The following TNNI3K variants were observed in gnomAD, a reference collection of about 807,000 sequenced individuals.
TNNI3K encodes TNNI3 interacting kinase, also known as serine/threonine-protein kinase TNNI3K.
TNNI3K carries 140 observed loss-of-function variants against 114.5 expected under a neutral mutation model. The ratio of observed to expected loss-of-function variants is 1.22; its 90% CI spans 1.07 to 1.41. The LOEUF (loss-of-function observed/expected upper bound fraction) is 1.41, where lower values mean the gene tolerates loss of function less well. Ranked by LOEUF, TNNI3K falls within the 40% of genes most tolerant of loss-of-function variation. The pLI is 0.00. For missense variants in TNNI3K, 1,125 were observed against 1,007.6 expected (o/e 1.12, Z -1.58); for synonymous variants, 347 against 347.5 (o/e 1.00, Z 0.02).
chr1:74,534,455 C>T (rs1250431480), intron 23 of TNNI3K, among the ~76,000 whole-genome samples: 3 of 152,130 alleles, frequency 2.0e-5, no homozygotes, highest in Non-Finnish European at 2.9e-5. Flanking sequence ...TGATTCATTG[C>T]TCCAATACCA....
chr1:74,509,732 G>C (rs560955060), intron 23 of TNNI3K, among the ~76,000 whole-genome samples: 35 of 121,898 alleles, frequency 2.9e-4, no homozygotes, highest in African/African-American at 1.0e-3. Flanking sequence ...TTCTGGTTTT[G>C]AGTGATCTGA....
intron 5 of TNNI3K, among the ~76,000 whole-genome samples, chr1:74,328,260 G>A (rs796072523): frequency 7.2e-5 from 11 of 152,196 alleles, no homozygotes; most frequent in African/African-American, 2.6e-4. Flanking sequence ...TTCAGTCTGT[G>A]ACTTCACAAG....
chr1:74,516,260 T>G (rs1435613775), intron 23 of TNNI3K, among the ~76,000 whole-genome samples: 1 of 152,228 alleles, frequency 6.6e-6, no homozygotes, highest in African/African-American at 2.4e-5. Flanking sequence ...TGAATGTTGC[T>G]ATCCATTTGT....
At chr1:74,373,825 T>C (rs1229567490) in intron 17 of TNNI3K, 1 of 151,842 alleles carries the variant, frequency 6.6e-6, no homozygotes, top group African/African-American at 2.4e-5. Context: ...ACTTTTCCCA[T>C]GGCAAGCAAA....
rs141057935 is a variant in TNNI3K, at chr1:74,411,892, G to A, written c.1773-24188G>A. ...TAGCTATGTAGACATGGGAGAAGGG[G>A]CATTCCAGGCTGAGAGAATTGGGTA... On this transcript the variant is annotated intron_variant, in intron 17 of 24. Transcript: ENST00000326637. Among the ~76,000 whole-genome samples, 5 of 152,146 alleles carry A rather than the reference G, an allele frequency of 3.3e-5. No homozygotes were observed. The East Asian group carries it at 9.7e-4, about 29-fold the overall frequency.
intron 17 of TNNI3K, chr1:74,370,651 C>T: frequency 3.8e-6 from 1 of 264,976 alleles, no homozygotes; most frequent in Non-Finnish European, 7.1e-6. Flanking sequence ...GATGCACCAG[C>T]TAACTAGTTC....
chr1:74,249,232 C>T (rs946045059), intron 2 of TNNI3K, among the ~76,000 whole-genome samples: 1 of 151,702 alleles, frequency 6.6e-6, no homozygotes, highest in Non-Finnish European at 1.5e-5. Context: ...CTATTGGAAT[C>T]ATAGTGTTAT....
At chr1:74,431,964 C>T (rs1665920460) in intron 17 of TNNI3K, among the ~76,000 whole-genome samples, 1 of 152,066 alleles carries the variant, frequency 6.6e-6, no homozygotes, top group Non-Finnish European at 1.5e-5. Flanking sequence ...ACTTAAATTC[C>T]TTTAATGGTC....
intron 23 of TNNI3K, among the ~76,000 whole-genome samples, chr1:74,524,883 T>C (rs1646483045): frequency 6.6e-6 from 1 of 152,120 alleles, no homozygotes; most frequent in Admixed American, 6.5e-5. Flanking sequence ...GGCAGAGAGG[T>C]AACATCATTA....
intron 17 of TNNI3K, chr1:74,416,225 G>C (rs1665109296): frequency 1.1e-6 from 1 of 901,824 alleles, no homozygotes; most frequent in South Asian, 5.1e-5. Flanking sequence ...AAAGACGTGA[G>C]GAGTTTAAAA....
At chr1:74,345,938 A>C (rs1660976383) in intron 9 of TNNI3K, 1 of 152,228 alleles carries the variant, frequency 6.6e-6, no homozygotes, top group African/African-American at 2.4e-5. Context: ...ATCTGTGTGC[A>C]AAATTTGTCT....
At chr1:74,361,574 C>T (rs1411465739) in intron 11 of TNNI3K, among the ~76,000 whole-genome samples, 1 of 152,008 alleles carries the variant, frequency 6.6e-6, no homozygotes, top group Non-Finnish European at 1.5e-5. Flanking sequence ...ACAGATAATA[C>T]CTCCCTGATC....
At chr1:74,451,695 CTTTCTTTCT>C (rs1667019876) in intron 20 of TNNI3K, among the ~76,000 whole-genome samples, 1 of 27,150 alleles carries the variant, frequency 3.7e-5, no homozygotes, top group Non-Finnish European at 8.8e-5. Flanking sequence ...TTCTTTCTTT[CTTTCTTTCT>C]TTCTTTCTTT....
At chr1:74,413,006 T>C (rs1415742853) in intron 17 of TNNI3K, among the ~76,000 whole-genome samples, 1 of 152,178 alleles carries the variant, frequency 6.6e-6, no homozygotes, top group Non-Finnish European at 1.5e-5. Context: ...CAGTGAAAGA[T>C]AGTCATTGTG....
At chr1:74,301,996 CT>C (rs2100324435) in intron 5 of TNNI3K, among the ~76,000 whole-genome samples, 1 of 152,300 alleles carries the variant, frequency 6.6e-6, no homozygotes, top group East Asian at 1.9e-4. Context: ...TTTCACTGCA[CT>C]TTGCTGTATT....
intron 5 of TNNI3K, among the ~76,000 whole-genome samples, chr1:74,290,974 T>C (rs920510731): frequency 6.6e-5 from 10 of 151,906 alleles, no homozygotes; most frequent in African/African-American, 2.4e-4. Flanking sequence ...TGTTCTTTTG[T>C]AAACATATGT....
intron 21 of TNNI3K, among the ~76,000 whole-genome samples, chr1:74,486,373 T>A (rs1026381964): frequency 3.9e-5 from 6 of 152,092 alleles, no homozygotes; most frequent in Non-Finnish European, 7.4e-5. Context: ...TGTAGGAGGG[T>A]TGATCTAATA....
chr1:74,490,067 A>C (rs1363050672), intron 22 of TNNI3K, among the ~76,000 whole-genome samples: 2 of 151,088 alleles, frequency 1.3e-5, no homozygotes, highest in African/African-American at 2.4e-5. Flanking sequence ...AAAAAAAAAA[A>C]AAAAAAAAAC....
intron 23 of TNNI3K, among the ~76,000 whole-genome samples, chr1:74,526,003 G>A (rs1646500001): frequency 6.6e-6 from 1 of 152,228 alleles, no homozygotes; most frequent in Non-Finnish European, 1.5e-5. Context: ...TTGGTGTTGT[G>A]TGATGAGGCA....
Sources: allele counts gnomAD v4.1 joint callset (sites outside exome capture counted in the v4.1 genomes callset), GRCh38; gene constraint gnomAD v4.1.1; transcripts MANE v1.5; gene names NCBI Gene and HGNC (gene_info 2026-07-23, HGNC 2026-07-21).